Variants in SPINK5 observed in about 807,000 individuals in gnomAD.
The protein encoded by SPINK5 is serine protease inhibitor Kazal-type 5.
In SPINK5, 125 loss-of-function variants were observed where a neutral mutation model predicts 151.8. That is an observed-to-expected ratio of 0.82 (90% CI 0.71 to 0.96). The LOEUF is 0.96. Ranked by LOEUF, SPINK5 falls within the 40% of genes least tolerant of loss-of-function variation. SPINK5 has a pLI of 0.00. For missense variants in SPINK5, 1,194 were observed against 1,291.9 expected (o/e 0.92, Z 1.16); for synonymous variants, 374 against 395.3 (o/e 0.95, Z 0.64).
rs571311945 is a variant in SPINK5 at position 148,128,219 on chromosome 5, T to A, written c.2964+1140T>A. ...GCATGGAGAAGAGCTATTAACAAAA[T>A]ATGTTTTTTTTTTTAAATACTAAAG... On this transcript the variant is annotated intron_variant, in intron 30 of 32. Transcript: ENST00000256084. Among the ~76,000 whole-genome samples the A allele has an allele frequency of 1.1e-4, 6 of 54,400 alleles. No homozygotes were observed. The East Asian group carries it at 6.0e-3, about 54-fold the overall frequency. The allele number at this position is 54,400 out of a possible 152,430, so 35.7% of individuals were successfully genotyped here.
At chr5:148,068,676 G>C (rs1752655219) in intron 2 of SPINK5, among the ~76,000 whole-genome samples, 1 of 151,706 alleles carries the variant, frequency 6.6e-6, no homozygotes, top group Admixed American at 6.6e-5. Context: ...GGAACAGGTT[G>C]TGTTTGTCAG....
chr5:148,125,668 T>C lies in SPINK5; in HGVS notation c.2740-55T>C, dbSNP rs183398336. The C allele has an allele frequency of 1.4e-4, 233 of 1,614,086 alleles. 1 individual carries two copies. Among genetic ancestry groups the C allele is most frequent in the Non-Finnish European group, 8.5e-6 (10 of 1,180,010 alleles). The stretch of plus-strand genomic sequence containing the variant: ...CTTCCTAAAACCAAGTTTGAAGAAA[T>C]CACTAAGCCAAAAAGGGACAAAGCC... On this transcript the variant is annotated intron_variant, in intron 28 of 32. Transcript: ENST00000256084.
Position 148,070,316 on chromosome 5 carries a change from A to G in SPINK5, c.82-7A>G. On this transcript the variant is annotated splice_region_variant and splice_polypyrimidine_tract_variant and intron_variant, in intron 2 of 32. Coordinates refer to ENST00000256084, the MANE Select transcript of SPINK5 (RefSeq NM_006846.4). ...TAGCTAACACAACTTTTTTGGCATT[A>G]TCTTAGGAAATGTGCCATGAATTTC... The G allele has an allele frequency of 6.2e-7, 1 of 1,611,984 alleles. No individual in the cohort carries two copies. The highest frequency in any genetic ancestry group is 8.5e-7 in the Non-Finnish European group (1 of 1,178,772).
At chr5:148,121,147 A>AAG in intron 26 of SPINK5, among the ~76,000 whole-genome samples, 2 of 149,112 alleles carry the variant, frequency 1.3e-5, no homozygotes, top group Non-Finnish European at 3.0e-5. Context: ...CTGTCTCAAA[A>AAG]AAAAAAAAAA....
intron 15 of SPINK5, among the ~76,000 whole-genome samples, chr5:148,103,191 T>C (rs971169893): frequency 2.0e-5 from 3 of 152,140 alleles, no homozygotes; most frequent in African/African-American, 7.2e-5. Context: ...GTTGAACGCA[T>C]ATAATTATGT....
chr5:148,115,153 T>C (rs1410758740), intron 21 of SPINK5, among the ~76,000 whole-genome samples: 1 of 152,108 alleles, frequency 6.6e-6, no homozygotes, highest in East Asian at 1.9e-4. Flanking sequence ...TAATAGAAAG[T>C]TTTATGGTGG....
At chr5:148,101,263 T>C in intron 13 of SPINK5, 92 bp from the exon 14 acceptor site, 1 of 919,330 alleles carries the variant, frequency 1.1e-6, no homozygotes, top group Non-Finnish European at 1.8e-6. Flanking sequence ...ATTTAATCGT[T>C]GTTAAGTGTA....
intron 13 of SPINK5, among the ~76,000 whole-genome samples, chr5:148,101,059 T>C (rs546204704): frequency 1.4e-4 from 22 of 152,156 alleles, no homozygotes; most frequent in African/African-American, 4.3e-4. Flanking sequence ...GTAATGAGCA[T>C]TGGAAATTTA....
At chr5:148,077,663 C>A (rs1581056923) in intron 4 of SPINK5, among the ~76,000 whole-genome samples, 1 of 113,666 alleles carries the variant, frequency 8.8e-6, no homozygotes, top group Admixed American at 8.5e-5. Context: ...ATATATATGA[C>A]AACAATAGCA....
chr5:148,064,016 A>G lies in SPINK5; in HGVS notation c.-29A>G. On this transcript the variant is annotated 5_prime_UTR_variant, in exon 1 of 33. Coordinates refer to ENST00000256084, the MANE Select transcript of SPINK5 (RefSeq NM_006846.4). The stretch of plus-strand genomic sequence containing the variant: ...ACCAGCTGAGCAATGCATGGAGTGG[A>G]CCTGTAGGCGACTTGCATCGTCTTC... 2 of 1,613,924 alleles carry G rather than the reference A, an allele frequency of 1.2e-6. No homozygotes were observed. Among genetic ancestry groups the G allele is most frequent in the Non-Finnish European group, 1.7e-6 (2 of 1,179,836 alleles).
chr5:148,106,342 A>C (rs920710684), intron 16 of SPINK5, among the ~76,000 whole-genome samples: 1 of 151,688 alleles, frequency 6.6e-6, no homozygotes, highest in African/African-American at 2.4e-5. Context: ...TTTATTTTTG[A>C]GTCAGGTCTT....
chr5:148,092,403 A>G (rs1239405995), intron 8 of SPINK5, among the ~76,000 whole-genome samples: 2 of 151,966 alleles, frequency 1.3e-5, no homozygotes, highest in African/African-American at 4.8e-5. Context: ...GTTAAATTTC[A>G]GTCTAAAACT....
chr5:148,120,971 C>T (rs996759154), intron 26 of SPINK5, among the ~76,000 whole-genome samples: 3 of 151,332 alleles, frequency 2.0e-5, no homozygotes, highest in African/African-American at 4.9e-5. Flanking sequence ...GGTGAAACCC[C>T]GTCTCTACTA....
intron 6 of SPINK5, 111 bp from the exon 7 acceptor site, chr5:148,089,383 C>T: frequency 7.0e-7 from 1 of 1,420,630 alleles, no homozygotes; most frequent in Non-Finnish European, 9.9e-7. Context: ...TGGTACTGCT[C>T]TAAGTGGCCC....
intron 26 of SPINK5, among the ~76,000 whole-genome samples, chr5:148,121,143 CAAAAAAAAA>C (rs767012594): frequency 2.9e-5 from 2 of 68,664 alleles, no homozygotes; most frequent in South Asian, 8.1e-4. Flanking sequence ...GACTCTGTCT[CAAAAAAAAA>C]AAAAAAAAAA....
rs201831966 is a variant in SPINK5, at chr5:148,107,162, G to T, written c.1605G>T (p.Val535=). 5.6e-4 allele frequency: 905 copies of T among 1,611,752 alleles called. 2 individuals are homozygous for T. The African/African-American group carries it at 8.4e-3, about 15-fold the overall frequency. Residue 535 remains valine (V), a splice_region_variant and synonymous_variant, in exon 17 of 33, where the codon GTG becomes GTT. Transcript: ENST00000256084. The part of the protein sequence containing the change: ...HGNKCAMCAS[V]FKLEEEEKKN... The stretch of plus-strand genomic sequence containing the variant: ...ACAAGTGTGCCATGTGTGCCAGTGT[G>T]TTGTGAGTGTCCACCCCATCTCTCC...
chr5:148,106,727 C>T (rs1406682797), intron 16 of SPINK5, among the ~76,000 whole-genome samples: 4 of 152,144 alleles, frequency 2.6e-5, no homozygotes, highest in Non-Finnish European at 4.4e-5. Flanking sequence ...ATTCTCATTT[C>T]CTCCAGGAAG....
intron 9 of SPINK5, 27 bp from the exon 10 acceptor site, chr5:148,095,791 T>G (rs1461889150): frequency 6.4e-7 from 1 of 1,565,618 alleles, no homozygotes; most frequent in East Asian, 2.2e-5. Context: ...CGGAAGCATC[T>G]CTACTCATTT....
At position 148,131,320 on chromosome 5, in the gene SPINK5, A is replaced by G. The variant is rs776887237; in HGVS notation, c.3026A>G (p.Asp1009Gly). Reference protein sequence around the residue: ...LPRIGYLCPKDLKPVCGDDGQ... With the variant: ...LPRIGYLCPKGLKPVCGDDGQ... ...AGGATAGGTTATCTTTGTCCAAAGG[A>G]TTTAAAGCCTGTCTGTGGTGACGAT... Residue 1009 changes from aspartate (D) to glycine (G), a missense_variant, in exon 31 of 33, where the codon GAT becomes GGT. By Grantham distance (94) the Asp-to-Gly change is moderately conservative. Transcript: ENST00000256084. 1 of 1,614,004 alleles carries G rather than the reference A, an allele frequency of 6.2e-7. No homozygotes were observed.
Sources: allele counts gnomAD v4.1 joint callset (sites outside exome capture counted in the v4.1 genomes callset), GRCh38; gene constraint gnomAD v4.1.1; transcripts MANE v1.5; gene names NCBI Gene and HGNC (gene_info 2026-07-23, HGNC 2026-07-21).